The following AGBL3 variants were observed in gnomAD, a reference collection of about 807,000 sequenced individuals.
AGBL3 encodes the protein AGBL carboxypeptidase 3.
AGBL3 carries 68 observed loss-of-function variants against 94.5 expected under a neutral mutation model. The ratio of observed to expected loss-of-function variants is 0.72; its 90% CI spans 0.59 to 0.88. The LOEUF (loss-of-function observed/expected upper bound fraction) is 0.88, where lower values mean the gene tolerates loss of function less well. AGBL3 is among the 40% of genes least tolerant of loss of function. The probability of loss-of-function intolerance (pLI) is 0.00; values close to 1 mark genes in which losing one functional copy is unlikely to be tolerated. For missense variants in AGBL3, 934 were observed against 1,103.8 expected (o/e 0.85, Z 2.18); for synonymous variants, 354 against 370.7 (o/e 0.95, Z 0.52).
At chr7:135,126,931 G>A (rs1354932389) in intron 16 of AGBL3, among the ~76,000 whole-genome samples, 1 of 152,122 alleles carries the variant, frequency 6.6e-6, no homozygotes, top group Non-Finnish European at 1.5e-5. Context: ...AGAAAACCTA[G>A]GCAATACCAT....
chr7:135,080,868 G>GTGTA (rs1554512741), intron 14 of AGBL3, among the ~76,000 whole-genome samples: 3 of 146,244 alleles, frequency 2.1e-5, no homozygotes, highest in South Asian at 4.3e-4. Flanking sequence ...ATGTGTGTGT[G>GTGTA]TATATATATA....
At chr7:135,010,884 T>C (rs1763940291) in intron 4 of AGBL3, 1 of 152,218 alleles carries the variant, frequency 6.6e-6, no homozygotes, top group South Asian at 2.1e-4. Flanking sequence ...ATTTTAAAGA[T>C]GTCAGTTATC....
rs146330698 is a variant in AGBL3, at chr7:135,055,458, G to A, written c.1842-3711G>A. Among the ~76,000 whole-genome samples, 346 of 152,262 alleles carry A rather than the reference G, an allele frequency of 2.3e-3. 1 individual carries two copies. The highest frequency in any genetic ancestry group is 7.6e-3 in the African/African-American group (317 of 41,542). On this transcript the variant is annotated intron_variant, in intron 11 of 16. Transcript: ENST00000436302. The stretch of plus-strand genomic sequence containing the variant: ...AGATTCCCTCTACTTCGTTAGCTGA[G>A]AGTTTTTGTCATGAATATGTGTTGG...
chr7:135,070,636 C>G (rs1333387000), intron 12 of AGBL3, among the ~76,000 whole-genome samples: 3 of 152,128 alleles, frequency 2.0e-5, no homozygotes, highest in Non-Finnish European at 2.9e-5. Context: ...ATATGATTAT[C>G]TCAATAGATG....
intron 12 of AGBL3, among the ~76,000 whole-genome samples, chr7:135,063,614 T>C (rs903544523): frequency 2.0e-5 from 3 of 152,198 alleles, no homozygotes; most frequent in African/African-American, 7.2e-5. Flanking sequence ...AATTTCTGTT[T>C]TAATTTCTTT....
chr7:135,126,821 G>C (rs1030318229), intron 16 of AGBL3, among the ~76,000 whole-genome samples: 1 of 152,196 alleles, frequency 6.6e-6, no homozygotes, highest in Non-Finnish European at 1.5e-5. Context: ...GCCATGTGCA[G>C]AAAACTGAAA....
intron 4 of AGBL3, among the ~76,000 whole-genome samples, chr7:135,003,300 G>C (rs913202474): frequency 2.6e-5 from 4 of 152,010 alleles, no homozygotes; most frequent in African/African-American, 9.6e-5. Flanking sequence ...TAAGCTTTTA[G>C]GTCCAATTTT....
At chr7:134,999,969 G>T (rs567675680) in intron 4 of AGBL3, among the ~76,000 whole-genome samples, 33 of 152,314 alleles carry the variant, frequency 2.2e-4, no homozygotes, top group African/African-American at 7.5e-4. Flanking sequence ...ATAGGGCACA[G>T]CCCAGGTGGC....
At chr7:135,123,048 G>A (rs181253898) in intron 16 of AGBL3, among the ~76,000 whole-genome samples, 11 of 151,680 alleles carry the variant, frequency 7.3e-5, no homozygotes, top group African/African-American at 2.7e-4. Context: ...GGATGAGACA[G>A]ACAAATTGAC....
At chr7:135,132,533 T>C (rs113573615) in intron 16 of AGBL3, among the ~76,000 whole-genome samples, 13 of 152,294 alleles carry the variant, frequency 8.5e-5, no homozygotes, top group African/African-American at 3.1e-4. Context: ...AAGTCCATTC[T>C]TACCACTTGA....
chr7:135,017,276 TAAAG>T, intron 5 of AGBL3, 117 bp downstream of exon 5: 4 of 745,802 alleles, frequency 5.4e-6, no homozygotes, highest in Non-Finnish European at 9.2e-6. Context: ...TCCCTAAACA[TAAAG>T]ATGTTTGTTT....
At chr7:135,022,919 T>C (rs1393888491) in intron 5 of AGBL3, among the ~76,000 whole-genome samples, 1 of 152,184 alleles carries the variant, frequency 6.6e-6, no homozygotes, top group African/African-American at 2.4e-5. Flanking sequence ...TCTTTTTAAT[T>C]CTTTGTCTGC....
intron 15 of AGBL3, among the ~76,000 whole-genome samples, chr7:135,109,762 G>A (rs955431257): frequency 3.9e-5 from 6 of 152,200 alleles, no homozygotes; most frequent in Non-Finnish European, 7.3e-5. Context: ...CCACTTTTAT[G>A]GAGAGCTGCT....
intron 12 of AGBL3, among the ~76,000 whole-genome samples, chr7:135,068,819 C>T (rs1819609769): frequency 6.6e-6 from 1 of 152,200 alleles, no homozygotes; most frequent in African/African-American, 2.4e-5. Flanking sequence ...TAGGAAGAAA[C>T]TGCATCAACT....
intron 5 of AGBL3, among the ~76,000 whole-genome samples, chr7:135,021,065 A>AGAC (rs71172491): frequency 6.6e-6 from 1 of 150,868 alleles, no homozygotes; most frequent in East Asian, 2.0e-4. Context: ...AAAAAAAAAA[A>AGAC]AAGACTATCC....
chr7:135,073,114 C>T (rs1486357869), intron 12 of AGBL3, among the ~76,000 whole-genome samples: 3 of 151,868 alleles, frequency 2.0e-5, no homozygotes, highest in Non-Finnish European at 4.4e-5. Flanking sequence ...AAAAAGTGGA[C>T]CTAATAGAGA....
chr7:135,095,321 G>A (rs1387378933), intron 15 of AGBL3, among the ~76,000 whole-genome samples: 3 of 152,136 alleles, frequency 2.0e-5, no homozygotes, highest in African/African-American at 7.2e-5. Flanking sequence ...CATGACTCCA[G>A]TATAATAACA....
At position 135,034,286 on chromosome 7, in the gene AGBL3, CTAGTCT is replaced by C. The variant is rs1370185187; in HGVS notation, c.697_702del (p.Ser233_Leu234del). 1 of 1,551,600 alleles carries C rather than the reference CTAGTCT, an allele frequency of 6.4e-7. No individual in the cohort carries two copies. Among genetic ancestry groups the C allele is most frequent in the African/African-American group, 1.4e-5 (1 of 73,032 alleles). On this transcript the variant is annotated inframe_deletion, in exon 7 of 17. Transcript: ENST00000436302. ...ACTATTGTCAACTTCACCAAACCTG[CTAGTCT>C]TTACAGTCGGGGTATGCGCCCACTG... is the stretch of plus-strand genomic sequence containing the variant.
chr7:134,993,587 G>T lies in AGBL3; in HGVS notation c.219G>T (p.Arg73Ser). The T allele has an allele frequency of 6.4e-7, 1 of 1,551,988 alleles. No homozygotes were observed. Among genetic ancestry groups the T allele is most frequent in the Non-Finnish European group, 8.7e-7 (1 of 1,147,026 alleles). ...GRWVPRLREP[R>S]DLYGVSSSGP... The stretch of plus-strand genomic sequence containing the variant: ...GGGTGCCACGTCTTCGTGAACCAAG[G>T]GATTTATATGGTGTCTCTTCTTCTG... Residue 73 changes from arginine to serine, a missense_variant, in exon 4 of 17, where the codon AGG (arginine) becomes AGT (serine). Arg to Ser is a moderately radical substitution (Grantham distance 110). Around this residue, in one of 3 missense-constraint regions of AGBL3, gnomAD observed 488 missense variants for 563.6 expected, o/e 0.87. Coordinates refer to ENST00000436302, the MANE Select transcript of AGBL3 (RefSeq NM_178563.4).
Sources: allele counts gnomAD v4.1 joint callset (sites outside exome capture counted in the v4.1 genomes callset), GRCh38; gene constraint gnomAD v4.1.1; regional missense constraint gnomAD v4.1.1; transcripts MANE v1.5; gene names NCBI Gene and HGNC (gene_info 2026-07-23, HGNC 2026-07-21).